ERC2: variants seen among roughly 807,000 people sequenced by gnomAD.
ERC2 encodes the protein ERC protein 2.
ERC2 carries 42 observed loss-of-function variants against 114.8 expected under a neutral mutation model. That is an observed-to-expected ratio of 0.37 (90% CI 0.29 to 0.47). The LOEUF is 0.47. Ranked by LOEUF, ERC2 falls within the 20% of genes least tolerant of loss-of-function variation. The pLI is 0.99. For missense variants in ERC2, 939 were observed against 1,150.7 expected, an observed-to-expected ratio of 0.82 and a Z score of 2.66; for synonymous variants, 454 against 425.5, an observed-to-expected ratio of 1.07 and a Z score of -0.82.
intron 17 of ERC2, among the ~76,000 whole-genome samples, chr3:55,551,657 C>T (rs906852814): frequency 6.6e-6 from 1 of 152,200 alleles, no homozygotes; most frequent in Admixed American, 6.5e-5. Context: ...AAAGGCAGTC[C>T]ACTGGCAGGG....
At chr3:55,865,077 A>C (rs1370302590) in intron 14 of ERC2, among the ~76,000 whole-genome samples, 1 of 151,398 alleles carries the variant, frequency 6.6e-6, no homozygotes, top group Non-Finnish European at 1.5e-5. Flanking sequence ...GGCCAAATGA[A>C]TTTCTCTCTC....
At chr3:56,209,535 G>A (rs1394394320) in intron 3 of ERC2, among the ~76,000 whole-genome samples, 1 of 152,112 alleles carries the variant, frequency 6.6e-6, no homozygotes, top group Admixed American at 6.6e-5. Context: ...CCCATGCCCA[G>A]CACACTGAGG....
chr3:56,463,619 A>G (rs947233657), intron 1 of ERC2, among the ~76,000 whole-genome samples: 2 of 152,252 alleles, frequency 1.3e-5, no homozygotes, highest in African/African-American at 4.8e-5. Context: ...TGCCTAACAC[A>G]TAGTTAACTG....
At chr3:55,601,219 C>T (rs746747598) in intron 17 of ERC2, among the ~76,000 whole-genome samples, 3 of 152,108 alleles carry the variant, frequency 2.0e-5, no homozygotes, top group East Asian at 1.9e-4. Flanking sequence ...AAGCCAGAAT[C>T]GTATATTATA....
At chr3:55,623,381 T>C (rs972959364) in intron 17 of ERC2, among the ~76,000 whole-genome samples, 2 of 152,226 alleles carry the variant, frequency 1.3e-5, no homozygotes, top group African/African-American at 4.8e-5. Flanking sequence ...TACTTTGTCA[T>C]GTTAAGTATA....
intron 16 of ERC2, among the ~76,000 whole-genome samples, chr3:55,690,443 C>A (rs150493125): frequency 1.6e-3 from 244 of 152,306 alleles, no homozygotes; most frequent in African/African-American, 5.6e-3. Context: ...GCCTCTTAGA[C>A]AAATGCGACT....
intron 3 of ERC2, among the ~76,000 whole-genome samples, chr3:56,209,151 C>A (rs2048911172): frequency 6.6e-6 from 1 of 152,272 alleles, no homozygotes; most frequent in South Asian, 2.1e-4. Flanking sequence ...CACACCACCC[C>A]CTTTTTCTCA....
At chr3:55,937,993 AC>A (rs2066555849) in intron 13 of ERC2, among the ~76,000 whole-genome samples, 1 of 152,172 alleles carries the variant, frequency 6.6e-6, no homozygotes. Context: ...AGCTGCCTTT[AC>A]TTAGAAGGTT....
rs141666324 is a variant in ERC2, at chr3:55,841,257, G to A, written c.2564+47132C>T. 8.5e-5 allele frequency among the ~76,000 whole-genome samples: 13 copies of A among 152,288 alleles called. No individual in the cohort carries two copies. In the East Asian group the frequency reaches 1.5e-3, roughly 18 times the overall value. On this transcript the variant is annotated intron_variant, in intron 14 of 17. Coordinates refer to ENST00000288221, the MANE Select transcript of ERC2 (RefSeq NM_015576.3). ...TAATTCCCATGCGTTCCATGTGAGG[G>A]ACCTGGTGGGAGGTAATTGAATCAT...
rs1174595991 is a variant in ERC2 at position 55,683,853 on chromosome 3, C to T, written c.2854G>A (p.Glu952Lys). The stretch of plus-strand genomic sequence containing the variant: ...CCCGGCTATGCCCATATGCCCTCCT[C>T]GTCATCCTGCGGCCGGCCCGAGGTG... ...NHRPSPDQDD[E>K]EGIWA The change falls in exon 17 of 18, where the codon GAG (glutamate) becomes AAG (lysine). Residue 952 changes from glutamate (E) to lysine (K), a missense_variant. Glu to Lys is a moderately conservative substitution (Grantham distance 56). Transcript: ENST00000288221. The T allele has an allele frequency of 6.8e-6, 11 of 1,612,936 alleles. No homozygotes were observed. Among genetic ancestry groups the T allele is most frequent in the South Asian group, 3.3e-5 (3 of 90,910 alleles).
intron 4 of ERC2, among the ~76,000 whole-genome samples, chr3:56,158,946 A>G (rs763790689): frequency 1.3e-5 from 2 of 152,092 alleles, no homozygotes; most frequent in Admixed American, 6.6e-5. Flanking sequence ...GTAATCCCCA[A>G]TGTTGGAGGT....
rs574128606 is a variant in ERC2, at chr3:55,989,023, C to T, written c.2255+3034G>A. On this transcript the variant is annotated intron_variant, in intron 11 of 17. Coordinates refer to ENST00000288221, the MANE Select transcript of ERC2 (RefSeq NM_015576.3). ...AGAAACTTCCCCTCTGAATCTCCAC[C>T]CCCACCTCCTTAGGGGCCTGGGCTG... 4.6e-5 allele frequency among the ~76,000 whole-genome samples: 7 copies of T among 152,294 alleles called. No individual in the cohort carries two copies. The South Asian group carries it at 1.5e-3, about 32-fold the overall frequency.
chr3:55,851,554 T>A (rs1415712785), intron 14 of ERC2, among the ~76,000 whole-genome samples: 1 of 152,166 alleles, frequency 6.6e-6, no homozygotes, highest in East Asian at 1.9e-4. Context: ...TGGTTCCCAT[T>A]ATCATTATGT....
intron 6 of ERC2, among the ~76,000 whole-genome samples, chr3:56,083,008 A>C (rs1432225929): frequency 1.3e-5 from 2 of 152,100 alleles, no homozygotes; most frequent in East Asian, 3.9e-4. Context: ...CTGTGGAAAA[A>C]CTGTCTTCCA....
At chr3:56,387,727 A>G (rs1412983269) in intron 2 of ERC2, among the ~76,000 whole-genome samples, 2 of 152,152 alleles carry the variant, frequency 1.3e-5, no homozygotes, top group African/African-American at 4.8e-5. Flanking sequence ...GAAGAATATC[A>G]TTGCCCTTCT....
intron 7 of ERC2, among the ~76,000 whole-genome samples, chr3:56,026,524 G>A (rs185013549): frequency 1.3e-5 from 2 of 152,012 alleles, no homozygotes; most frequent in Admixed American, 6.5e-5. Flanking sequence ...GTCATGATGA[G>A]GAGGAGGAGG....
intron 6 of ERC2, among the ~76,000 whole-genome samples, chr3:56,115,998 C>A (rs2079210851): frequency 6.6e-6 from 1 of 152,164 alleles, no homozygotes; most frequent in Non-Finnish European, 1.5e-5. Flanking sequence ...CTAAACCCTG[C>A]CCCATCTCTT....
chr3:55,553,562 T>C (rs6803739), intron 17 of ERC2, among the ~76,000 whole-genome samples: 151,780 of 151,966 alleles, frequency 1, 75,797 homozygotes, highest in Middle Eastern at 1. Flanking sequence ...GGGCAGATCA[T>C]GAGGTCAGGA....
intron 14 of ERC2, among the ~76,000 whole-genome samples, chr3:55,745,480 C>T (rs1475653079): frequency 6.6e-6 from 1 of 152,136 alleles, no homozygotes; most frequent in Non-Finnish European, 1.5e-5. Flanking sequence ...GAAGGGACTT[C>T]CATGACATAC....
Sources: allele counts gnomAD v4.1 joint callset (sites outside exome capture counted in the v4.1 genomes callset), GRCh38; gene constraint gnomAD v4.1.1; transcripts MANE v1.5; gene names NCBI Gene and HGNC (gene_info 2026-07-23, HGNC 2026-07-21).